The following NAALADL2 variants were observed in gnomAD, a reference collection of about 807,000 sequenced individuals.
The protein encoded by NAALADL2 is inactive N-acetylated-alpha-linked acidic dipeptidase-like protein 2.
In NAALADL2, 76 loss-of-function variants were observed where a neutral mutation model predicts 87.2. The observed-to-expected ratio is 0.87, with a 90% CI of 0.72 to 1.05. NAALADL2 has a LOEUF of 1.05. NAALADL2 is among the 50% of genes least tolerant of loss of function. The probability of loss-of-function intolerance (pLI) is 0.00; values close to 1 mark genes in which losing one functional copy is unlikely to be tolerated. For missense variants in NAALADL2, 1,089 were observed against 945.8 expected, an observed-to-expected ratio of 1.15 and a Z score of -1.99; for synonymous variants, 354 against 331.0, an observed-to-expected ratio of 1.07 and a Z score of -0.75.
At chr3:174,990,138 C>T (rs1459475640) in intron 1 of NAALADL2, among the ~76,000 whole-genome samples, 1 of 152,056 alleles carries the variant, frequency 6.6e-6, no homozygotes, top group Admixed American at 6.6e-5. Flanking sequence ...ATTAAATTTC[C>T]GCAAATGCCA....
chr3:175,469,673 A>G lies in NAALADL2; in HGVS notation c.1534-1966A>G, dbSNP rs191247236. Among the ~76,000 whole-genome samples the G allele has an allele frequency of 1.1e-4, 17 of 152,124 alleles. No homozygotes were observed. In the East Asian group the frequency reaches 2.7e-3, roughly 24 times the overall value. ...GTTTGTCAGAGGCTATTGTGGAAAT[A>G]TTATAGATATTGGAGTAAAAGAAGT... On this transcript the variant is annotated intron_variant, in intron 8 of 13. Coordinates refer to ENST00000454872, the MANE Select transcript of NAALADL2 (RefSeq NM_207015.3).
intron 2 of NAALADL2, among the ~76,000 whole-genome samples, chr3:174,679,738 A>G (rs1727356550): frequency 6.6e-6 from 1 of 152,220 alleles, no homozygotes; most frequent in Admixed American, 6.5e-5. Context: ...TAGCTGCTGT[A>G]TTAAGGAGGA....
intron 3 of NAALADL2, among the ~76,000 whole-genome samples, chr3:174,816,206 G>T (rs903219470): frequency 6.6e-6 from 1 of 151,044 alleles, no homozygotes; most frequent in Non-Finnish European, 1.5e-5. Context: ...CTTCTTCATC[G>T]TATCCTTTTT....
chr3:175,204,566 C>T (rs1740541450), intron 2 of NAALADL2, among the ~76,000 whole-genome samples: 3 of 152,258 alleles, frequency 2.0e-5, no homozygotes, highest in South Asian at 2.1e-4. Flanking sequence ...CTTAGCACTC[C>T]TCTTCAACAT....
chr3:175,766,137 C>G (rs973071127), intron 13 of NAALADL2, among the ~76,000 whole-genome samples: 1 of 152,050 alleles, frequency 6.6e-6, no homozygotes, highest in Admixed American at 6.6e-5. Context: ...CTGTGAGACA[C>G]CAAATATATC....
chr3:174,773,735 G>A (rs1239509311), intron 3 of NAALADL2, among the ~76,000 whole-genome samples: 2 of 152,084 alleles, frequency 1.3e-5, no homozygotes, highest in Non-Finnish European at 2.9e-5. Flanking sequence ...AGTACCCAAC[G>A]TTTAAAGTGA....
At chr3:174,855,030 T>G (rs6806992), upstream of NAALADL2, among the ~76,000 whole-genome samples, 2 of 151,314 alleles carry the variant, frequency 1.3e-5, no homozygotes, top group Non-Finnish European at 2.9e-5. Context: ...GTAGAGATGG[T>G]GTTTCACCAT....
intron 2 of NAALADL2, among the ~76,000 whole-genome samples, chr3:174,624,276 G>C (rs1032851926): frequency 2.0e-5 from 3 of 152,092 alleles, no homozygotes; most frequent in Non-Finnish European, 4.4e-5. Context: ...TCTAAATTCA[G>C]TGCACATTGC....
At chr3:175,318,832 G>C (rs1017742578) in intron 4 of NAALADL2, among the ~76,000 whole-genome samples, 2 of 152,236 alleles carry the variant, frequency 1.3e-5, no homozygotes, top group African/African-American at 4.8e-5. Context: ...TCTGATTTCT[G>C]GTCCCAGGGT....
chr3:175,189,054 C>A (rs1005656300), intron 2 of NAALADL2, among the ~76,000 whole-genome samples: 2 of 152,106 alleles, frequency 1.3e-5, no homozygotes, highest in Non-Finnish European at 2.9e-5. Flanking sequence ...TCCACCCATG[C>A]CTTGGAGAGT....
At chr3:175,520,633 G>A (rs931529725) in intron 9 of NAALADL2, among the ~76,000 whole-genome samples, 1 of 152,176 alleles carries the variant, frequency 6.6e-6, no homozygotes, top group African/African-American at 2.4e-5. Flanking sequence ...ATATCCAGAA[G>A]AAAGTGAGTA....
chr3:175,785,081 A>ATG (rs1553772976), intron 13 of NAALADL2, among the ~76,000 whole-genome samples: 2 of 151,136 alleles, frequency 1.3e-5, no homozygotes, highest in Admixed American at 1.3e-4. Flanking sequence ...GTTTGTTATA[A>ATG]TGTCTGTTCT....
At chr3:174,869,356 ATT>A (rs1727524006) in intron 1 of NAALADL2, among the ~76,000 whole-genome samples, 1 of 152,290 alleles carries the variant, frequency 6.6e-6, no homozygotes, top group Non-Finnish European at 1.5e-5. Context: ...GATAAATATA[ATT>A]TTTCCCTTTT....
intron 5 of NAALADL2, among the ~76,000 whole-genome samples, chr3:175,433,278 G>T (rs1198678797): frequency 6.6e-6 from 1 of 151,996 alleles, no homozygotes; most frequent in African/African-American, 2.4e-5. Context: ...GACTAAGAAT[G>T]ACACAAAACA....
intron 3 of NAALADL2, among the ~76,000 whole-genome samples, chr3:174,805,891 C>G (rs1719417271): frequency 6.6e-6 from 1 of 152,022 alleles, no homozygotes; most frequent in Non-Finnish European, 1.5e-5. Flanking sequence ...CAAGGCTTCC[C>G]TATTTCTCTA....
chr3:174,701,988 G>T (rs1263778161), intron 2 of NAALADL2, among the ~76,000 whole-genome samples: 1 of 152,116 alleles, frequency 6.6e-6, no homozygotes, highest in Admixed American at 6.5e-5. Context: ...TACTTTTTAA[G>T]AAACTGCCAA....
chr3:175,008,701 T>C (rs1749375899), intron 1 of NAALADL2, among the ~76,000 whole-genome samples: 1 of 135,040 alleles, frequency 7.4e-6, no homozygotes, highest in African/African-American at 3.1e-5. Context: ...TTCTAGGCTA[T>C]AGGGTAATAT....
chr3:175,229,813 G>A (rs754389094), intron 2 of NAALADL2, among the ~76,000 whole-genome samples: 1 of 151,920 alleles, frequency 6.6e-6, no homozygotes, highest in Non-Finnish European at 1.5e-5. Flanking sequence ...TGTAATTCCA[G>A]TCACAATGTT....
intron 9 of NAALADL2, among the ~76,000 whole-genome samples, chr3:175,511,763 C>T (rs1185174491): frequency 6.6e-6 from 1 of 152,152 alleles, no homozygotes; most frequent in African/African-American, 2.4e-5. Context: ...CCAATTCTAC[C>T]TCAGGGATAG....
Sources: gnomAD v4.1 joint callset for allele counts (sites outside exome capture counted in the v4.1 genomes callset) on GRCh38, gnomAD v4.1.1 for gene constraint, MANE v1.5 for transcripts, NCBI Gene and HGNC (gene_info 2026-07-23, HGNC 2026-07-21) for gene names.